PBRM1: variants seen among roughly 807,000 people sequenced by gnomAD.
PBRM1 encodes the protein protein polybromo-1.
A neutral mutation model predicts 194.5 loss-of-function variants in PBRM1; 27 were observed. The ratio of observed to expected loss-of-function variants is 0.14; its 90% CI spans 0.10 to 0.19. The LOEUF (loss-of-function observed/expected upper bound fraction) is 0.19. Ranked by LOEUF, PBRM1 falls within the 10% of genes least tolerant of loss-of-function variation. The probability of loss-of-function intolerance (pLI) is 1.00; values close to 1 mark genes in which losing one functional copy is unlikely to be tolerated. For missense variants in PBRM1, 1,466 were observed against 2,077.2 expected (o/e 0.71, Z 5.72); for synonymous variants, 655 against 693.2 (o/e 0.94, Z 0.87).
In PBRM1 at chr3:52,643,423, A is replaced by G. The variant is rs920585779; in HGVS notation, c.900-80T>C. 1.2e-5 allele frequency: 10 copies of G among 857,726 alleles called. No individual in the cohort carries two copies. The African/African-American group carries it at 1.5e-4, about 13-fold the overall frequency. The allele number at this position is 857,726 out of a possible 1,614,324, so 53.1% of individuals were successfully genotyped here. A position where few individuals can be genotyped will look rare whatever the true frequency, so the allele number is the denominator to read the frequency against. ...TGGGTAAACAAACACACACACAACC[A>G]TTTTCTTCTCTTCTAAATAGAAATG... On this transcript the variant is annotated intron_variant, in intron 8 of 29. Transcript: ENST00000296302.
At chr3:52,546,305 A>G (rs919240273), downstream of PBRM1, 4 of 232,704 alleles carry the variant, frequency 1.7e-5, no homozygotes, top group African/African-American at 6.6e-5. Context: ...TGATGATTCA[A>G]TTGCCCAAAT....
intron 2 of PBRM1, among the ~76,000 whole-genome samples, chr3:52,677,922 G>A (rs2154053893): frequency 6.6e-6 from 1 of 152,246 alleles, no homozygotes; most frequent in East Asian, 1.9e-4. Flanking sequence ...CCAGGTTGGA[G>A]TGCAGTGACA....
chr3:52,666,535 CA>C (rs373241275), intron 3 of PBRM1, among the ~76,000 whole-genome samples: 172 of 120,274 alleles, frequency 1.4e-3, no homozygotes, highest in Non-Finnish European at 1.2e-3. Flanking sequence ...GACTCCATCT[CA>C]AAAAAAAAAA....
chr3:52,547,935 C>T, downstream of PBRM1: 1 of 673,330 alleles, frequency 1.5e-6, no homozygotes, highest in Non-Finnish European at 2.5e-6. Context: ...TAAAAATGGC[C>T]TTGTGATGTA....
chr3:52,572,828 A>C (rs1217075095), intron 22 of PBRM1, among the ~76,000 whole-genome samples: 1 of 130,140 alleles, frequency 7.7e-6, no homozygotes, highest in African/African-American at 2.8e-5. Context: ...TATTTCAGAG[A>C]CACAAAAAAG....
intron 16 of PBRM1, among the ~76,000 whole-genome samples, chr3:52,607,676 T>C (rs928113380): frequency 2.0e-5 from 3 of 152,208 alleles, no homozygotes; most frequent in Non-Finnish European, 4.4e-5. Flanking sequence ...CTAAGCTACA[T>C]GAAAGCAGAG....
At chr3:52,576,887 GA>G (rs1286644438) in intron 21 of PBRM1, among the ~76,000 whole-genome samples, 189 bp from the exon 24 acceptor site, 1 of 152,144 alleles carries the variant, frequency 6.6e-6, no homozygotes, top group African/African-American at 2.4e-5. Context: ...TAGAAAAAGA[GA>G]AAGGAACATT....
At chr3:52,685,587 C>A (rs956730902) in intron 1 of PBRM1, 162 bp downstream of exon 1, 1 of 150,438 alleles carries the variant, frequency 6.6e-6, no homozygotes, top group African/African-American at 2.4e-5. Context: ...CATCCGGAGG[C>A]CAGCCGCCGC....
At chr3:52,616,261 T>C (rs2094946702) in intron 14 of PBRM1, among the ~76,000 whole-genome samples, 1 of 152,210 alleles carries the variant, frequency 6.6e-6, no homozygotes, top group African/African-American at 2.4e-5. Context: ...TATAATCAAA[T>C]GTAATTGCAG....
chr3:52,645,248 C>T (rs2096254993), intron 7 of PBRM1, among the ~76,000 whole-genome samples: 1 of 149,548 alleles, frequency 6.7e-6, no homozygotes, highest in Non-Finnish European at 1.5e-5. Flanking sequence ...GTCTGAGGTG[C>T]AACAATAAAA....
At chr3:52,651,645 G>A in intron 6 of PBRM1, 97 bp downstream of exon 7, 1 of 606,144 alleles carries the variant, frequency 1.6e-6, no homozygotes, top group South Asian at 2.9e-5. Context: ...ACCCCTTACA[G>A]AGACAACTAG....
intron 26 of PBRM1, among the ~76,000 whole-genome samples, chr3:52,556,009 G>C (rs2082146869): frequency 1.3e-5 from 2 of 152,260 alleles, no homozygotes; most frequent in South Asian, 4.1e-4. Context: ...GTCACCTTTG[G>C]TCACAGCTTC....
chr3:52,656,907 C>T (rs1262833481), intron 5 of PBRM1, among the ~76,000 whole-genome samples: 1 of 143,294 alleles, frequency 7.0e-6, no homozygotes, highest in Non-Finnish European at 1.6e-5. Flanking sequence ...CTAAACAAAA[C>T]AAAACACCCC....
At chr3:52,628,928 T>C (rs781546758) in exon 12 of PBRM1, 129 of 1,613,846 alleles carry the variant, frequency 8.0e-5, no homozygotes, top group Non-Finnish European at 1.0e-4. Flanking sequence ...AACTCGCTTG[T>C]AGATGGCTGA....
intron 10 of PBRM1, among the ~76,000 whole-genome samples, chr3:52,636,075 A>G (rs937090290): frequency 1.3e-4 from 19 of 151,788 alleles, no homozygotes; most frequent in Non-Finnish European, 2.5e-4. Flanking sequence ...GTTTCACCAT[A>G]TTAGCCAGGA....
chr3:52,631,014 T>C (rs1251945756), intron 11 of PBRM1, among the ~76,000 whole-genome samples: 1 of 152,200 alleles, frequency 6.6e-6, no homozygotes, highest in Non-Finnish European at 1.5e-5. Context: ...TCACTATCTT[T>C]TCCCAACGCA....
At chr3:52,661,127 G>A (rs1194958746) in intron 4 of PBRM1, among the ~76,000 whole-genome samples, 1 of 152,128 alleles carries the variant, frequency 6.6e-6, no homozygotes, top group African/African-American at 2.4e-5. Flanking sequence ...CTGGGTTCAA[G>A]CGATTATCCT....
chr3:52,673,790 C>A lies in PBRM1; in HGVS notation c.236+4710G>T, dbSNP rs537414612. Among the ~76,000 whole-genome samples the A allele has an allele frequency of 7.2e-5, 11 of 151,908 alleles. No homozygotes were observed. The East Asian group carries it at 1.5e-3, about 21-fold the overall frequency. ...AGGAGGGCCAGTGCAGTAGTTCATG[C>A]CTATAATCCCAGCACTTTGGGAGGA... is the stretch of plus-strand genomic sequence containing the variant. On this transcript the variant is annotated intron_variant, in intron 2 of 29. Coordinates refer to ENST00000296302, the Ensembl canonical transcript of PBRM1.
intron 4 of PBRM1, among the ~76,000 whole-genome samples, chr3:52,661,128 C>T (rs953106094): frequency 2.0e-5 from 3 of 152,056 alleles, no homozygotes; most frequent in Non-Finnish European, 2.9e-5. Flanking sequence ...TGGGTTCAAG[C>T]GATTATCCTG....
Sources: allele counts gnomAD v4.1 joint callset (sites outside exome capture counted in the v4.1 genomes callset), GRCh38; gene constraint gnomAD v4.1.1; transcripts MANE v1.5; gene names NCBI Gene and HGNC (gene_info 2026-07-23, HGNC 2026-07-21).